RAB27B: variants seen among roughly 807,000 people sequenced by gnomAD.
The protein encoded by RAB27B is ras-related protein Rab-27B.
Under a neutral mutation model 24.6 loss-of-function variants are expected in RAB27B, and 15 were observed. The observed-to-expected ratio is 0.61, with a 90% CI of 0.41 to 0.94. The LOEUF (loss-of-function observed/expected upper bound fraction) is 0.94. RAB27B is among the 40% of genes least tolerant of loss of function. The pLI, the probability that RAB27B is intolerant of heterozygous loss-of-function variation, is 0.00. For missense variants in RAB27B, 261 were observed against 266.8 expected (o/e 0.98, Z 0.15); for synonymous variants, 105 against 92.5 (o/e 1.14, Z -0.78).
At chr18:54,853,627 G>T (rs531749648) in intron 1 of RAB27B, among the ~76,000 whole-genome samples, 5 of 152,050 alleles carry the variant, frequency 3.3e-5, no homozygotes, top group African/African-American at 1.2e-4. Context: ...CCTATTAATC[G>T]GTATGAAGTT....
intron 2 of RAB27B, among the ~76,000 whole-genome samples, chr18:54,718,836 A>C (rs1909271772): frequency 6.6e-6 from 1 of 152,208 alleles, no homozygotes; most frequent in East Asian, 1.9e-4. Flanking sequence ...TTTACAAATC[A>C]ATTGAAGGTG....
chr18:54,781,684 G>C (rs1288771281), intron 2 of RAB27B, among the ~76,000 whole-genome samples: 1 of 152,092 alleles, frequency 6.6e-6, no homozygotes, highest in African/African-American at 2.4e-5. Context: ...GCTGTCCACA[G>C]GCACCATGTT....
intron 3 of RAB27B, 139 bp from the exon 4 acceptor site, chr18:54,884,194 C>T (rs989407446): frequency 2.7e-5 from 15 of 549,992 alleles, no homozygotes; most frequent in Non-Finnish European, 4.9e-5. Flanking sequence ...AATTTCTCTG[C>T]CCACATTCCC....
intron 2 of RAB27B, among the ~76,000 whole-genome samples, chr18:54,737,146 T>C (rs1909921950): frequency 6.6e-6 from 1 of 152,186 alleles, no homozygotes; most frequent in Non-Finnish European, 1.5e-5. Flanking sequence ...TACATAGTCA[T>C]GGACTTTCCA....
intron 2 of RAB27B, among the ~76,000 whole-genome samples, chr18:54,785,984 T>C (rs1334747381): frequency 1.3e-5 from 2 of 152,244 alleles, no homozygotes; most frequent in Non-Finnish European, 2.9e-5. Flanking sequence ...TTAGTCTGAC[T>C]GATACTTTCC....
chr18:54,740,251 A>C (rs375533646), intron 2 of RAB27B, among the ~76,000 whole-genome samples: 12 of 152,176 alleles, frequency 7.9e-5, no homozygotes, highest in African/African-American at 2.7e-4. Flanking sequence ...TATAGTTTCT[A>C]TTAGCTCATC....
chr18:54,837,260 G>A (rs989250405), intron 1 of RAB27B, among the ~76,000 whole-genome samples: 1 of 152,046 alleles, frequency 6.6e-6, no homozygotes, highest in Admixed American at 6.6e-5. Context: ...AATACAAAAG[G>A]TCTGAAATTG....
chr18:54,847,264 A>C lies in RAB27B; in HGVS notation c.-20+18564A>C, dbSNP rs984278529. Among the ~76,000 whole-genome samples, 4 of 152,182 alleles carry C rather than the reference A, an allele frequency of 2.6e-5. No homozygotes were observed. In the South Asian group the frequency reaches 8.3e-4, roughly 32 times the overall value. ...AGTTTTGTATGTTTCTGGGGCTCTG[A>C]CATAAAATACGTTTCTACTGCACAT... On this transcript the variant is annotated intron_variant, in intron 1 of 5. Coordinates refer to ENST00000262094, the MANE Select transcript of RAB27B (RefSeq NM_004163.4).
At chr18:54,736,111 G>A (rs1352641155) in intron 2 of RAB27B, among the ~76,000 whole-genome samples, 4 of 152,156 alleles carry the variant, frequency 2.6e-5, no homozygotes, top group Non-Finnish European at 5.9e-5. Context: ...TGCAAGTTGG[G>A]ATATTTGTGA....
intron 2 of RAB27B, among the ~76,000 whole-genome samples, chr18:54,738,384 G>A (rs796272121): frequency 6.6e-6 from 1 of 152,188 alleles, no homozygotes; most frequent in African/African-American, 2.4e-5. Context: ...ACTGGATCAT[G>A]GGGGTGGTTT....
intron 1 of RAB27B, among the ~76,000 whole-genome samples, chr18:54,864,086 C>G (rs1243179744): frequency 6.6e-6 from 1 of 152,136 alleles, no homozygotes; most frequent in Non-Finnish European, 1.5e-5. Context: ...GGAGAATTGC[C>G]AAACTGTTTT....
intron 1 of RAB27B, among the ~76,000 whole-genome samples, chr18:54,835,262 G>C (rs1347092048): frequency 6.6e-6 from 1 of 151,846 alleles, no homozygotes; most frequent in Non-Finnish European, 1.5e-5. Context: ...TATTGACTCA[G>C]GTGCCTCCTT....
At chr18:54,858,329 G>GT (rs1911864834) in intron 1 of RAB27B, among the ~76,000 whole-genome samples, 1 of 150,876 alleles carries the variant, frequency 6.6e-6, no homozygotes, top group Non-Finnish European at 1.5e-5. Context: ...GCCTTTTGTT[G>GT]TAAGAATAAC....
At chr18:54,881,396 G>T (rs955891912) in intron 3 of RAB27B, among the ~76,000 whole-genome samples, 1 of 152,054 alleles carries the variant, frequency 6.6e-6, no homozygotes, top group Admixed American at 6.6e-5. Flanking sequence ...CAGGGGTCAC[G>T]TGTGGAAATT....
chr18:54,858,437 T>G lies in RAB27B; in HGVS notation c.-19-19130T>G, dbSNP rs996594675. On this transcript the variant is annotated intron_variant, in intron 1 of 5. Coordinates refer to ENST00000262094, the MANE Select transcript of RAB27B (RefSeq NM_004163.4). ...TCTCGCTCTGTCTCCCAGGCTGGAG[T>G]GCAGTGGTGCGATCTCGGCTCACTG... Among the ~76,000 whole-genome samples the G allele has an allele frequency of 9.4e-5, 14 of 148,386 alleles. 1 individual carries two copies. In the South Asian group the frequency reaches 3.0e-3, roughly 32 times the overall value.
chr18:54,778,369 A>G (rs771076207), intron 2 of RAB27B, among the ~76,000 whole-genome samples: 61 of 152,226 alleles, frequency 4.0e-4, no homozygotes, highest in Non-Finnish European at 7.1e-4. Context: ...GAATGAAGGC[A>G]ACTGATCTTT....
chr18:54,888,052 A>G lies in RAB27B; in HGVS notation c.401A>G (p.Lys134Arg). The stretch of plus-strand genomic sequence containing the variant: ...CCAGATATAGTATTAATTGGCAACA[A>G]GGCAGACCTACCAGATCAGAGGGAA... ...ENPDIVLIGN[K>R]ADLPDQREVN... Residue 134 changes from lysine (K) to arginine (R), a missense_variant, in exon 5 of 6, where the codon AAG becomes AGG. Coordinates refer to ENST00000262094, the MANE Select transcript of RAB27B (RefSeq NM_004163.4). The G allele has an allele frequency of 6.2e-7, 1 of 1,613,326 alleles. No individual in the cohort carries two copies. The highest frequency in any genetic ancestry group is 8.5e-7 in the Non-Finnish European group (1 of 1,179,458).
intron 2 of RAB27B, among the ~76,000 whole-genome samples, chr18:54,725,350 A>C (rs558359969): frequency 6.6e-6 from 1 of 151,400 alleles, no homozygotes; most frequent in African/African-American, 2.4e-5. Flanking sequence ...TTTCAGGGTG[A>C]GTTTACTAAG....
chr18:54,869,312 T>C (rs1047136381), intron 1 of RAB27B, among the ~76,000 whole-genome samples: 2 of 152,248 alleles, frequency 1.3e-5, no homozygotes, highest in African/African-American at 4.8e-5. Flanking sequence ...AATGTATCAA[T>C]ATTAGTAAAC....
Sources: allele counts gnomAD v4.1 joint callset (sites outside exome capture counted in the v4.1 genomes callset), GRCh38; gene constraint gnomAD v4.1.1; transcripts MANE v1.5; gene names NCBI Gene and HGNC (gene_info 2026-07-23, HGNC 2026-07-21).